Variants in CCDC33 observed in about 807,000 individuals in gnomAD.
CCDC33 encodes the protein coiled-coil domain-containing protein 33.
CCDC33 carries 94 observed loss-of-function variants against 91.9 expected under a neutral mutation model. The observed-to-expected ratio is 1.02, with a 90% confidence interval of 0.87 to 1.21. CCDC33 has a LOEUF of 1.21. Ranked by LOEUF, CCDC33 falls within the 50% of genes most tolerant of loss-of-function variation. The pLI is 0.00. For synonymous variants in CCDC33, 396 were observed against 374.5 expected (o/e 1.06, Z -0.66); for missense variants, 940 against 935.5 (o/e 1.00, Z -0.06).
At chr15:74,305,666 A>T (rs1431488566) in intron 11 of CCDC33, among the ~76,000 whole-genome samples, 1 of 152,196 alleles carries the variant, frequency 6.6e-6, no homozygotes, top group Admixed American at 6.5e-5. Context: ...TTGACTTTGT[A>T]TTCTGGCACA....
chr15:74,290,090 A>G (rs1029906904), intron 10 of CCDC33, among the ~76,000 whole-genome samples: 1 of 152,126 alleles, frequency 6.6e-6, no homozygotes, highest in Non-Finnish European at 1.5e-5. Context: ...CAACCACCTT[A>G]GTATAGACCT....
At chr15:74,302,923 A>T (rs2059822681) in intron 11 of CCDC33, 1 of 152,998 alleles carries the variant, frequency 6.5e-6, no homozygotes, top group African/African-American at 2.4e-5. Context: ...CCTGCCTCTG[A>T]CAGCACAGGC....
intron 2 of CCDC33, among the ~76,000 whole-genome samples, chr15:74,228,379 A>G (rs2074865444): frequency 6.6e-6 from 1 of 152,212 alleles, no homozygotes; most frequent in African/African-American, 2.4e-5. Flanking sequence ...GTTGAATTCA[A>G]TGTGTAGTAA....
intron 11 of CCDC33, among the ~76,000 whole-genome samples, chr15:74,298,144 CTT>C (rs2059724453): frequency 6.6e-6 from 1 of 152,202 alleles, no homozygotes; most frequent in Non-Finnish European, 1.5e-5. Context: ...GTCTGAGAGT[CTT>C]TGAGAGAAAC....
intron 2 of CCDC33, among the ~76,000 whole-genome samples, chr15:74,249,066 C>G (rs2075623074): frequency 6.6e-6 from 1 of 152,170 alleles, no homozygotes; most frequent in Non-Finnish European, 1.5e-5. Flanking sequence ...GTCGGCAGCC[C>G]CCCACCCTCC....
chr15:74,240,038 T>C (rs1195959373), intron 1 of CCDC33, among the ~76,000 whole-genome samples: 1 of 152,238 alleles, frequency 6.6e-6, no homozygotes, highest in Non-Finnish European at 1.5e-5. Flanking sequence ...TTAGCAGCCC[T>C]GGCCCACCAT....
intron 1 of CCDC33, among the ~76,000 whole-genome samples, chr15:74,206,715 A>G (rs1355155592): frequency 6.6e-6 from 1 of 152,228 alleles, no homozygotes; most frequent in East Asian, 1.9e-4. Context: ...AGGGCCCTGA[A>G]GCCATGGAAG....
At chr15:74,294,317 A>G (rs2059638346) in intron 10 of CCDC33, among the ~76,000 whole-genome samples, 1 of 152,230 alleles carries the variant, frequency 6.6e-6, no homozygotes. Context: ...CTAGGACTGC[A>G]TGATTCTTTG....
rs55820464 is a variant in CCDC33, at chr15:74,223,723, TACACACAC to T, written c.675+4897_675+4904del. Among the ~76,000 whole-genome samples the T allele has an allele frequency of 8.2e-3, 919 of 112,266 alleles. 4 individuals carry two copies. Among genetic ancestry groups the T allele is most frequent in the South Asian group, 0.032 (107 of 3,300 alleles). The allele number at this position is 112,266 out of a possible 152,430, so 73.7% of individuals were successfully genotyped here. On this transcript the variant is annotated intron_variant, in intron 2 of 2. Transcript: ENST00000635913. ...GCTGAGGCTGTGCCCACCGCCAGCA[TACACACAC>T]ACACACACACACACACACACACACA... is the stretch of plus-strand genomic sequence containing the variant.
rs560501217 is a variant in CCDC33 at position 74,240,748 on chromosome 15, G to T, written c.22-3237G>T. Among the ~76,000 whole-genome samples, 61 of 152,140 alleles carry T rather than the reference G, an allele frequency of 4.0e-4. 1 individual carries two copies. The South Asian group carries it at 7.3e-3, about 18-fold the overall frequency. ...GCTGGGATTACAGCCTCATGCCACC[G>T]CACCTGGCTGATTTTTGTATTTTTA... is the stretch of plus-strand genomic sequence containing the variant. On this transcript the variant is annotated intron_variant, in intron 1 of 18. Transcript: ENST00000398814.
In CCDC33 at chr15:74,218,571, CG is replaced by C; in HGVS notation, c.388del (p.Ala130GlnfsTer21). ...ACTGAGGCTGGACGAACCCTTGGGACGGGCAGCCCAGCGGGTGGGTGAGGCC... is the reference window on the plus strand; with the variant it reads ...ACTGAGGCTGGACGAACCCTTGGGACGGCAGCCCAGCGGGTGGGTGAGGCC... On this transcript the variant is annotated frameshift_variant, in exon 2 of 3. Transcript: ENST00000635913. LOFTEE classifies it high-confidence loss of function. This position sits in a 1 kb window ranked among gnomAD's most constrained non-coding sequence, Gnocchi z 4.8. The C allele has an allele frequency of 7.8e-7, 1 of 1,289,766 alleles. No individual in the cohort carries two copies. Among genetic ancestry groups the C allele is most frequent in the Non-Finnish European group, 1.0e-6 (1 of 988,832 alleles). 79.9% of individuals were successfully genotyped at this position (1,289,766 alleles called of 1,614,324 possible). A position where few individuals can be genotyped will look rare whatever the true frequency, so the allele number is the denominator to read the frequency against.
intron 1 of CCDC33, among the ~76,000 whole-genome samples, 184 bp downstream of exon 1, chr15:74,236,924 C>T (rs573476540): frequency 6.6e-6 from 1 of 152,352 alleles, no homozygotes; most frequent in South Asian, 2.1e-4. Flanking sequence ...CTGCCCTATA[C>T]TCTTGGGCCA....
chr15:74,227,764 T>C (rs1252696100), intron 2 of CCDC33, among the ~76,000 whole-genome samples: 1 of 152,256 alleles, frequency 6.6e-6, no homozygotes, highest in African/African-American at 2.4e-5. Context: ...GTTCCTGGTC[T>C]GCCTTGCAAT....
At chr15:74,252,592 A>G (rs949716314) in intron 2 of CCDC33, among the ~76,000 whole-genome samples, 24 of 152,192 alleles carry the variant, frequency 1.6e-4, no homozygotes, top group Non-Finnish European at 2.9e-4. Context: ...GGCCCAGGGG[A>G]GAATGTGGAT....
intron 1 of CCDC33, among the ~76,000 whole-genome samples, chr15:74,241,446 G>A (rs1157304311): frequency 6.6e-6 from 1 of 152,210 alleles, no homozygotes; most frequent in African/African-American, 2.4e-5. Context: ...GAGGGAGCTT[G>A]GTAGGTGTGA....
chr15:74,209,175 C>T (rs916303316), intron 1 of CCDC33: 1 of 1,201,042 alleles, frequency 8.3e-7, no homozygotes. Context: ...GGGGCTGGGG[C>T]CCCACACAAC....
upstream of CCDC33, chr15:74,212,987 G>A (rs557062271): frequency 9.9e-5 from 15 of 152,196 alleles, no homozygotes; most frequent in East Asian, 1.9e-3. Flanking sequence ...GGCCGAGTCG[G>A]GTGTATCATT....
At chr15:74,228,103 A>G (rs1212572005) in intron 2 of CCDC33, among the ~76,000 whole-genome samples, 1 of 152,128 alleles carries the variant, frequency 6.6e-6, no homozygotes, top group African/African-American at 2.4e-5. Flanking sequence ...GGCCTCTCAG[A>G]GCTCTTGGAA....
rs2060466145 is a variant in CCDC33 at position 74,332,728 on chromosome 15, G to GAACCC, written c.1825_1826insCAACC (p.Leu609ProfsTer70). On this transcript the variant is annotated frameshift_variant, in exon 16 of 19. Coordinates refer to ENST00000398814, the MANE Select transcript of CCDC33 (RefSeq NM_025055.5). LOFTEE classifies it high-confidence loss of function. ...GCCTTCCCTTGGGTTCTATGGGAGA[G>GAACCC]AACCTGCCGGTTGAACTTTACTCGG... 6.2e-7 allele frequency: 1 copy of GAACCC among 1,614,116 alleles called. No individual in the cohort carries two copies.
Sources: gnomAD v4.1 joint callset for allele counts (sites outside exome capture counted in the v4.1 genomes callset) on GRCh38, gnomAD v4.1.1 for gene constraint, Gnocchi (gnomAD v3.1) non-coding constraint, MANE v1.5 for transcripts, NCBI Gene and HGNC (gene_info 2026-07-23, HGNC 2026-07-21) for gene names.